The following UFL1 variants were observed in gnomAD, a reference collection of about 807,000 sequenced individuals.
UFL1 encodes E3 UFM1-protein ligase 1.
In UFL1, 78 loss-of-function variants were observed where a neutral mutation model predicts 99.3. That is an observed-to-expected ratio of 0.79 (90% CI 0.65 to 0.95). UFL1 has a LOEUF of 0.95. Among genes scored for constraint, UFL1 ranks in the 40% least tolerant of loss-of-function variants. UFL1 has a pLI of 0.00. For missense variants in UFL1, 936 were observed against 937.0 expected, an observed-to-expected ratio of 1.00 and a Z score of 0.01; for synonymous variants, 335 against 322.2, an observed-to-expected ratio of 1.04 and a Z score of -0.42.
chr6:96,549,187 G>A (rs1203305656), intron 13 of UFL1, among the ~76,000 whole-genome samples: 2 of 151,472 alleles, frequency 1.3e-5, no homozygotes, highest in Non-Finnish European at 3.0e-5. Context: ...TGTCTTAATT[G>A]CAGTAACTTT....
rs1331277331 is a variant in UFL1, at chr6:96,549,429, A to T, written c.1538A>T (p.Tyr513Phe). The T allele has an allele frequency of 6.3e-7, 1 of 1,596,014 alleles. No homozygotes were observed. The highest frequency in any genetic ancestry group is 1.2e-5 in the South Asian group (1 of 86,756). ...EYLIKPLNKT[Y>F]LEVVRSVFMS... is the part of the protein sequence containing the mutation. ...ATGCACAGACCTCTTAATAAAACTT[A>T]TCTCGAGGTGGTACGTTCAGTATTC... Residue 513 changes from tyrosine to phenylalanine, a missense_variant, in exon 14 of 19, where the codon TAT becomes TTT. Physicochemically the swap from Tyr to Phe is conservative, Grantham distance 22 (BLOSUM62 3). Coordinates refer to ENST00000369278, the MANE Select transcript of UFL1 (RefSeq NM_015323.5).
rs200354005 is a variant in UFL1, at chr6:96,542,991, T to C, written c.1377T>C (p.Asp459=). 1 of 1,598,090 alleles carries C rather than the reference T, an allele frequency of 6.3e-7. No individual in the cohort carries two copies. The highest frequency in any genetic ancestry group is 8.5e-7 in the Non-Finnish European group (1 of 1,171,736). Reference sequence around the variant, plus strand: ...AAGGAAGAAAAGATGATGATAGTGATGATGAATCTCAATCATCCCACACTG... The same window carrying C: ...AAGGAAGAAAAGATGATGATAGTGACGATGAATCTCAATCATCCCACACTG... ...KKKGRKDDDS[D]DESQSSHTGK... Residue 459 remains aspartate (D), a synonymous_variant, in exon 12 of 19, where the codon GAT becomes GAC. Coordinates refer to ENST00000369278, the MANE Select transcript of UFL1 (RefSeq NM_015323.5).
At chr6:96,526,085 CAAAAAA>C (rs777292473) in intron 4 of UFL1, among the ~76,000 whole-genome samples, 1 of 111,760 alleles carries the variant, frequency 8.9e-6, no homozygotes, top group Non-Finnish European at 1.9e-5. Context: ...GACCTTGATG[CAAAAAA>C]AAAAAAGAAA....
intron 1 of UFL1, among the ~76,000 whole-genome samples, chr6:96,522,423 A>C (rs940240321): frequency 6.6e-6 from 1 of 152,186 alleles, no homozygotes; most frequent in Non-Finnish European, 1.5e-5. Flanking sequence ...TAACAGACCT[A>C]GGGCTAGACC....
At chr6:96,540,271 T>G (rs1769912570) in intron 10 of UFL1, among the ~76,000 whole-genome samples, 1 of 151,604 alleles carries the variant, frequency 6.6e-6, no homozygotes, top group Admixed American at 6.6e-5. Context: ...TGCATCTGAT[T>G]GCAGCTGTGT....
At position 96,536,269 on chromosome 6, in the gene UFL1, C is replaced by T. The variant is rs1769851457; in HGVS notation, c.681C>T (p.Ser227=). The T allele has an allele frequency of 3.1e-6, 5 of 1,609,164 alleles. No individual in the cohort carries two copies. The highest frequency in any genetic ancestry group is 1.3e-5 in the African/African-American group (1 of 74,804). Residue 227 remains serine, a synonymous_variant, in exon 8 of 19, where the codon AGC becomes AGT. Transcript: ENST00000369278. ...LYSVLEELVN[S]GRLRGTVVGG... ...CTGTGCTTGAGGAACTTGTTAATAG[C>T]GGACGCTTACGAGGCACTGTGGTTG...
At position 96,536,295 on chromosome 6, in the gene UFL1, G is replaced by A. The variant is rs1217848659; in HGVS notation, c.707G>A (p.Gly236Asp). Residue 236 changes from glycine (G) to aspartate (D), a missense_variant, in exon 8 of 19, where the codon GGT (glycine) becomes GAT (aspartate). Transcript: ENST00000369278. The part of the protein sequence containing the change: ...NSGRLRGTVV[G>D]GRQDKAVFVP... ...GGACGCTTACGAGGCACTGTGGTTGGTGGGAGACAGGATAAAGCTGTGTTT... is the reference window on the plus strand; with the variant it reads ...GGACGCTTACGAGGCACTGTGGTTGATGGGAGACAGGATAAAGCTGTGTTT... 1 of 1,611,266 alleles carries A rather than the reference G, an allele frequency of 6.2e-7. No individual in the cohort carries two copies. The highest frequency in any genetic ancestry group is 8.5e-7 in the Non-Finnish European group (1 of 1,178,034).
At position 96,554,979 on chromosome 6, in the gene UFL1, A is replaced by G. The variant is rs879420932; in HGVS notation, c.*1476A>G. ...AACCTTATCATTTATGTTTCAGTAGATATCAAAGTAATCCATGTTTGTGTC... is the reference window on the plus strand; with the variant it reads ...AACCTTATCATTTATGTTTCAGTAGGTATCAAAGTAATCCATGTTTGTGTC... On this transcript the variant is annotated 3_prime_UTR_variant, in exon 19 of 19. Transcript: ENST00000369278. The G allele has an allele frequency of 6.6e-6, 1 of 152,614 alleles. No homozygotes were observed. The highest frequency in any genetic ancestry group is 1.5e-5 in the Non-Finnish European group (1 of 68,012). 9.5% of individuals were successfully genotyped at this position (152,614 alleles called of 1,614,324 possible). A position where few individuals can be genotyped will look rare whatever the true frequency, so the allele number is the denominator to read the frequency against.
chr6:96,526,546 A>G (rs1426146117), intron 5 of UFL1, 111 bp downstream of exon 5: 2 of 835,382 alleles, frequency 2.4e-6, no homozygotes, highest in African/African-American at 1.7e-5. Flanking sequence ...CATTTGATTT[A>G]TTGCAGGTGT....
intron 13 of UFL1, 141 bp from the exon 14 acceptor site, chr6:96,549,271 A>C: frequency 1.7e-6 from 1 of 598,224 alleles, no homozygotes. Context: ...TTGTTAGTGA[A>C]CTTGTCTCCA....
rs1769701227 is a variant in UFL1, at chr6:96,526,305, T to C, written c.351-16T>C. ...CCTAATTCTTTTTTCTATTATTTTCTTGTTTTCACTATTAGGAATTATTTG... is the reference window on the plus strand; with the variant it reads ...CCTAATTCTTTTTTCTATTATTTTCCTGTTTTCACTATTAGGAATTATTTG... On this transcript the variant is annotated splice_polypyrimidine_tract_variant and intron_variant, in intron 4 of 18. Transcript: ENST00000369278. 3 of 1,573,344 alleles carry C rather than the reference T, an allele frequency of 1.9e-6. No homozygotes were observed. The Admixed American group carries it at 5.9e-5, about 31-fold the overall frequency.
At chr6:96,542,491 T>C (rs984758512) in intron 11 of UFL1, among the ~76,000 whole-genome samples, 1 of 151,272 alleles carries the variant, frequency 6.6e-6, no homozygotes, top group Non-Finnish European at 1.5e-5. Flanking sequence ...AGTCTTATAA[T>C]AGAAGGTTAT....
rs997315153 is a variant in UFL1 at position 96,554,646 on chromosome 6, A to C, written c.*1143A>C. On this transcript the variant is annotated 3_prime_UTR_variant, in exon 19 of 19. Transcript: ENST00000369278. ...ACTATTTTATATAATTCCTTATGACATTTTAAACTTTATATTTTAAAATAT... is the reference window on the plus strand; with the variant it reads ...ACTATTTTATATAATTCCTTATGACCTTTTAAACTTTATATTTTAAAATAT... The C allele has an allele frequency of 1.3e-5, 2 of 152,398 alleles. No individual in the cohort carries two copies. Among genetic ancestry groups the C allele is most frequent in the Admixed American group, 1.3e-4 (2 of 15,274 alleles). The allele number at this position is 152,398 out of a possible 1,614,324, so 9.4% of individuals were successfully genotyped here.
At position 96,549,761 on chromosome 6, in the gene UFL1, A is replaced by C. The variant is rs1164750520; in HGVS notation, c.1780A>C (p.Met594Leu). 3 of 1,612,128 alleles carry C rather than the reference A, an allele frequency of 1.9e-6. No homozygotes were observed. The highest frequency in any genetic ancestry group is 2.5e-6 in the Non-Finnish European group (3 of 1,178,656). Reference protein sequence around the residue: ...LIFNFLASDLMMAVDDPAAIT... With the variant: ...LIFNFLASDLLMAVDDPAAIT... The stretch of plus-strand genomic sequence containing the variant: ...TTTCAACTTCTTAGCTTCGGATTTA[A>C]TGATGGCAGTAGACGATCCTGCAGC... The change falls in exon 15 of 19, where the codon ATG becomes CTG. Residue 594 changes from methionine to leucine, a missense_variant. Physicochemically the swap from Met to Leu is conservative, Grantham distance 15 (BLOSUM62 2). Transcript: ENST00000369278.
In UFL1 at chr6:96,555,242, A is replaced by AAGTT. The variant is rs1770139552; in HGVS notation, c.*1741_*1744dup. The AAGTT allele has an allele frequency of 6.6e-6, 1 of 152,150 alleles. No individual in the cohort carries two copies. Among genetic ancestry groups the AAGTT allele is most frequent in the East Asian group, 1.9e-4 (1 of 5,202 alleles). The allele number at this position is 152,150 out of a possible 1,614,324, so 9.4% of individuals were successfully genotyped here. ...GTGATCTTAATGGGCAGGGTTAAGAAAGTTATTTAAAATAAAGTTACCTAT... is the reference window on the plus strand; with the variant it reads ...GTGATCTTAATGGGCAGGGTTAAGAAAGTTAGTTATTTAAAATAAAGTTACCTAT... On this transcript the variant is annotated 3_prime_UTR_variant, in exon 19 of 19. Coordinates refer to ENST00000369278, the MANE Select transcript of UFL1 (RefSeq NM_015323.5).
chr6:96,536,175 T>A, intron 7 of UFL1, 69 bp from the exon 8 acceptor site: 2 of 1,379,616 alleles, frequency 1.4e-6, no homozygotes, highest in South Asian at 3.3e-5. Context: ...TATGAAATAA[T>A]AAAGTATTTT....
In UFL1 at chr6:96,524,402, C is replaced by G. The variant is rs1306605442; in HGVS notation, c.244C>G (p.Leu82Val). 2 of 1,585,022 alleles carry G rather than the reference C, an allele frequency of 1.3e-6. No homozygotes were observed. Among genetic ancestry groups the G allele is most frequent in the African/African-American group, 1.4e-5 (1 of 73,348 alleles). Reference protein sequence around the residue: ...VRGGRVNIVDLQQVINVDLIH... With the variant: ...VRGGRVNIVDVQQVINVDLIH... Reference sequence around the variant, plus strand: ...CAAAGGTCGAGTAAACATTGTTGATCTACAACAGGTAGGTTTTAAATTTAT... The same window carrying G: ...CAAAGGTCGAGTAAACATTGTTGATGTACAACAGGTAGGTTTTAAATTTAT... The change falls in exon 3 of 19, where the codon CTA (leucine) becomes GTA (valine). Residue 82 changes from leucine (L) to valine (V), a missense_variant. Coordinates refer to ENST00000369278, the MANE Select transcript of UFL1 (RefSeq NM_015323.5).
Position 96,543,036 on chromosome 6 carries a change from T to C in UFL1, c.1402+20T>C. 1 of 1,583,382 alleles carries C rather than the reference T, an allele frequency of 6.3e-7. No homozygotes were observed. Among genetic ancestry groups the C allele is most frequent in the South Asian group, 1.2e-5 (1 of 86,072 alleles). ...ACACTGGTAGGTAGCTTTTCTTTAC[T>C]TTTCCTTGGTGTATGTGTGATATTT... On this transcript the variant is annotated intron_variant, in intron 12 of 18. Transcript: ENST00000369278.
intron 11 of UFL1, among the ~76,000 whole-genome samples, chr6:96,541,012 A>G (rs1769923750): frequency 6.6e-6 from 1 of 151,170 alleles, no homozygotes; most frequent in East Asian, 1.9e-4. Context: ...TTTTACACCA[A>G]CTGTTCCTTT....
Sources: gnomAD v4.1 joint callset for allele counts (sites outside exome capture counted in the v4.1 genomes callset) on GRCh38, gnomAD v4.1.1 for gene constraint, MANE v1.5 for transcripts, NCBI Gene and HGNC (gene_info 2026-07-23, HGNC 2026-07-21) for gene names.